The following ARL17B variants were observed in gnomAD, a reference collection of about 807,000 sequenced individuals.
The protein encoded by ARL17B is ARF like GTPase 17B, also known as ADP-ribosylation factor-like protein 17.
At chr17:46,275,741 G>A (rs1489466015) in intron 4 of ARL17B, among the ~76,000 whole-genome samples, 1 of 152,210 alleles carries the variant, frequency 6.6e-6, no homozygotes, top group Non-Finnish European at 1.5e-5. Context: ...GTGGTGAAAG[G>A]TGCGTGTGTG....
In ARL17B at chr17:46,283,125, T is replaced by C. The variant is rs532787362; in HGVS notation, c.*22-7707A>G. The stretch of plus-strand genomic sequence containing the variant: ...AGGGTGAGACTCCATCTCAAAAAAA[T>C]AAAATAAAATAACCGAGTATGCACA... On this transcript the variant is annotated intron_variant, in intron 4 of 4. Transcript: ENST00000570618. Among the ~76,000 whole-genome samples the C allele has an allele frequency of 2.6e-5, 4 of 152,098 alleles. No individual in the cohort carries two copies. In the East Asian group the frequency reaches 5.8e-4, roughly 22 times the overall value.
At chr17:46,278,415 G>GTT (rs1357106363) in intron 4 of ARL17B, among the ~76,000 whole-genome samples, 61 of 118,646 alleles carry the variant, frequency 5.1e-4, no homozygotes, top group African/African-American at 1.5e-3. Flanking sequence ...TTTTTTTGTT[G>GTT]TTGTTTTAAG....
chr17:46,290,769 T>C lies in ARL17B; in HGVS notation c.*21+8757A>G, dbSNP rs201576891. 2.6e-5 allele frequency among the ~76,000 whole-genome samples: 4 copies of C among 152,350 alleles called. No homozygotes were observed. The East Asian group carries it at 7.7e-4, about 29-fold the overall frequency. Reference sequence around the variant, plus strand: ...GCCTCTGAAGCTATAGTTTTATAGATTCTAAAGCAGAGACTTCATATAGAT... The same window carrying C: ...GCCTCTGAAGCTATAGTTTTATAGACTCTAAAGCAGAGACTTCATATAGAT... On this transcript the variant is annotated intron_variant, in intron 4 of 4. Coordinates refer to the ARL17B transcript ENST00000570618.
chr17:46,290,101 A>G (rs1376518557), intron 4 of ARL17B, among the ~76,000 whole-genome samples: 1 of 152,274 alleles, frequency 6.6e-6, no homozygotes, highest in Admixed American at 6.5e-5. Flanking sequence ...TGTAGATGAC[A>G]AAGTGAGACC....
At chr17:46,285,264 A>G (rs2049873736) in intron 4 of ARL17B, among the ~76,000 whole-genome samples, 1 of 145,570 alleles carries the variant, frequency 6.9e-6, no homozygotes, top group African/African-American at 2.6e-5. Context: ...TTTTTGAGAC[A>G]GAGTCTCACA....
chr17:46,282,214 T>C (rs1157401827), intron 4 of ARL17B, among the ~76,000 whole-genome samples: 2 of 152,144 alleles, frequency 1.3e-5, no homozygotes, highest in Non-Finnish European at 2.9e-5. Context: ...GCCATTCTCC[T>C]GCCTCAGCCT....
intron 4 of ARL17B, among the ~76,000 whole-genome samples, chr17:46,288,696 C>CTTTTTTTTTTTTTTTTTTTTTTTTTT (rs2049984588): frequency 6.8e-6 from 1 of 148,012 alleles, no homozygotes. Context: ...TTTACTGCAT[C>CTTTTTTTTTTTTTTTTTTTTTTTTTT]TTGTTTTTTC....
chr17:46,280,278 C>T (rs2049724972), intron 4 of ARL17B, among the ~76,000 whole-genome samples: 1 of 152,162 alleles, frequency 6.6e-6, no homozygotes, highest in Non-Finnish European at 1.5e-5. Flanking sequence ...GCAGGAGAAT[C>T]GCTTGAACGC....
rs1192426869 is a variant in ARL17B at position 46,314,611 on chromosome 17, C to T, written c.260-14946G>A. Among the ~76,000 whole-genome samples the T allele has an allele frequency of 5.4e-5, 4 of 74,110 alleles. 2 individuals carry two copies. Among genetic ancestry groups the T allele is most frequent in the Non-Finnish European group, 1.6e-4 (4 of 24,938 alleles). The allele number at this position is 74,110 out of a possible 152,430, so 48.6% of individuals were successfully genotyped here. ...ATGCTGGGATTACAGGCATGAGCTA[C>T]CATGCCCAGCCAATAAATGAAAACT... On this transcript the variant is annotated intron_variant, in intron 3 of 4. Transcript: ENST00000434041.
intron 4 of ARL17B, among the ~76,000 whole-genome samples, chr17:46,276,051 C>A (rs560592289): frequency 1.3e-5 from 2 of 152,170 alleles, no homozygotes; most frequent in Non-Finnish European, 2.9e-5. Flanking sequence ...CCACCACACC[C>A]GGCTAATTTT....
chr17:46,335,527 C>T lies in ARL17B; in HGVS notation c.*3973G>A, dbSNP rs547817024. 4.5e-5 allele frequency: 8 copies of T among 179,204 alleles called. No individual in the cohort carries two copies. Among genetic ancestry groups the T allele is most frequent in the African/African-American group, 8.9e-5 (5 of 55,872 alleles). The allele number at this position is 179,204 out of a possible 1,614,324, so 11.1% of individuals were successfully genotyped here. A position where few individuals can be genotyped will look rare whatever the true frequency, so the allele number is the denominator to read the frequency against. On this transcript the variant is annotated 3_prime_UTR_variant, in exon 4 of 4. Coordinates refer to ENST00000450673, the MANE Select transcript of ARL17B (RefSeq NM_001039083.5). ...TTGTTGTCATAGATAATCTTAATTG[C>T]GTTTTCTTCTAAAACAGATATGTTG...
Position 46,300,075 on chromosome 17 carries a change from C to T in ARL17B, c.260-410G>A, listed in dbSNP as rs1258658279. Among the ~76,000 whole-genome samples the T allele has an allele frequency of 3.3e-5, 2 of 60,718 alleles. 1 individual carries two copies. The highest frequency in any genetic ancestry group is 7.9e-5 in the African/African-American group (2 of 25,268). The allele number at this position is 60,718 out of a possible 152,430, so 39.8% of individuals were successfully genotyped here. On this transcript the variant is annotated intron_variant, in intron 3 of 4. Transcript: ENST00000434041. ...GAGGCAATTTAAATTTATTTTTTAT[C>T]ATACAAATAGTACATGGTTATATTC...
In ARL17B at chr17:46,278,053, C is replaced by T. The variant is rs146642078; in HGVS notation, c.*22-2635G>A. On this transcript the variant is annotated intron_variant, in intron 4 of 4. Coordinates refer to the ARL17B transcript ENST00000570618. ...CTCCGCCTCCCACGTTCAAGTGATT[C>T]TTCTGCCTCAGCCTCCAGAGTAGCT... Among the ~76,000 whole-genome samples the T allele has an allele frequency of 4.4e-4, 67 of 151,960 alleles. 2 individuals carry two copies. In the East Asian group the frequency reaches 0.012, roughly 27 times the overall value.
intron 4 of ARL17B, among the ~76,000 whole-genome samples, chr17:46,278,500 G>A (rs1232554697): frequency 1.3e-5 from 2 of 151,596 alleles, no homozygotes; most frequent in Admixed American, 6.6e-5. Flanking sequence ...CACCTCCTGG[G>A]TTCAAGCGAT....
intron 4 of ARL17B, among the ~76,000 whole-genome samples, chr17:46,288,968 T>C (rs939730594): frequency 3.1e-4 from 47 of 152,334 alleles, no homozygotes; most frequent in African/African-American, 1.1e-3. Flanking sequence ...CCCAAAGTGC[T>C]GGGATTACAA....
At chr17:46,280,972 G>C (rs556932809) in intron 4 of ARL17B, among the ~76,000 whole-genome samples, 1 of 152,276 alleles carries the variant, frequency 6.6e-6, no homozygotes, top group East Asian at 1.9e-4. Context: ...TTGACTGTTT[G>C]GCTGCACATA....
chr17:46,351,599 AT>A (rs1477199031), intron 3 of ARL17B, among the ~76,000 whole-genome samples: 2 of 141,474 alleles, frequency 1.4e-5, no homozygotes, highest in South Asian at 2.3e-4. Context: ...AGTTAAAAAA[AT>A]AAATGCACTA....
intron 4 of ARL17B, among the ~76,000 whole-genome samples, chr17:46,282,016 A>G (rs185115316): frequency 0.071 from 9,979 of 140,510 alleles, no homozygotes; most frequent in Non-Finnish European, 0.11. Context: ...TTCCTTGCCT[A>G]TATATATATT....
At chr17:46,274,298 T>C (rs1185462791), downstream of ARL17B, among the ~76,000 whole-genome samples, 3 of 152,268 alleles carry the variant, frequency 2.0e-5, no homozygotes, top group African/African-American at 7.2e-5. Flanking sequence ...AGAAGATACC[T>C]TCAAATAGAT....
Sources: gnomAD v4.1 joint callset for allele counts (sites outside exome capture counted in the v4.1 genomes callset) on GRCh38, gnomAD v4.1.1 for gene constraint, MANE v1.5 for transcripts, NCBI Gene and HGNC (gene_info 2026-07-23, HGNC 2026-07-21) for gene names.